Variants in FAM221B observed in about 807,000 individuals in gnomAD.
The protein encoded by FAM221B is family with sequence similarity 221 member B.
Under a neutral mutation model 39.8 loss-of-function variants are expected in FAM221B, and 35 were observed. That is an observed-to-expected ratio of 0.88 (90% CI 0.67 to 1.17). The LOEUF (loss-of-function observed/expected upper bound fraction) is 1.17. Among genes scored for constraint, FAM221B ranks in the 50% most tolerant of loss-of-function variants. The probability of loss-of-function intolerance (pLI) is 0.00; values close to 1 mark genes in which losing one functional copy is unlikely to be tolerated. For synonymous variants in FAM221B, 158 were observed against 178.1 expected (o/e 0.89, Z 0.90); for missense variants, 479 against 503.1 (o/e 0.95, Z 0.46).
rs1224251421 is a variant in FAM221B, at chr9:35,828,283, C to T, written c.-1+180G>A. On this transcript the variant is annotated intron_variant, in intron 1 of 6. Transcript: ENST00000423537. This position sits in a 1 kb window ranked among gnomAD's most constrained non-coding sequence, Gnocchi z 4.5. Reference sequence around the variant, plus strand: ...CTCCAGCCTGGGGGACAGAGCGAGACTCTGTCTCAAACAACAACAACAACA... The same window carrying T: ...CTCCAGCCTGGGGGACAGAGCGAGATTCTGTCTCAAACAACAACAACAACA... Among the ~76,000 whole-genome samples the T allele has an allele frequency of 6.8e-6, 1 of 147,316 alleles. No individual in the cohort carries two copies. Among genetic ancestry groups the T allele is most frequent in the Non-Finnish European group, 1.5e-5 (1 of 66,744 alleles).
chr9:35,824,404 C>T (rs1829243279), intron 3 of FAM221B, among the ~76,000 whole-genome samples: 1 of 152,206 alleles, frequency 6.6e-6, no homozygotes, highest in African/African-American at 2.4e-5. Context: ...TAATCACAGG[C>T]TGAGGCTTGG....
intron 1 of FAM221B, among the ~76,000 whole-genome samples, chr9:35,827,431 T>G (rs1829413689): frequency 6.6e-6 from 1 of 152,224 alleles, no homozygotes; most frequent in Non-Finnish European, 1.5e-5. Flanking sequence ...TGACCCGCTG[T>G]GCTAAGCTCT....
intron 6 of FAM221B, 28 bp downstream of exon 6, chr9:35,818,862 G>A: frequency 5.2e-6 from 8 of 1,550,782 alleles, no homozygotes; most frequent in Non-Finnish European, 7.0e-6. Context: ...ACCCTGGAAT[G>A]GCCCCCTGTC....
chr9:35,817,945 C>T lies in FAM221B; in HGVS notation c.*524G>A, dbSNP rs899918380. ...TCTCTTCTCTCTCTTCTGGGTCCTT[C>T]AAGGTCCTTTAGTCTACTGGCCTCT... On this transcript the variant is annotated 3_prime_UTR_variant, in exon 7 of 7. Coordinates refer to ENST00000423537, the MANE Select transcript of FAM221B (RefSeq NM_001012446.4). The T allele has an allele frequency of 6.4e-6, 1 of 156,672 alleles. No individual in the cohort carries two copies. Among genetic ancestry groups the T allele is most frequent in the Non-Finnish European group, 1.4e-5 (1 of 70,916 alleles). 9.7% of individuals were successfully genotyped at this position (156,672 alleles called of 1,614,324 possible).
intron 6 of FAM221B, 84 bp downstream of exon 6, chr9:35,818,806 A>T: frequency 6.6e-7 from 1 of 1,526,228 alleles, no homozygotes; most frequent in Non-Finnish European, 8.8e-7. Context: ...CCTGGAAGGG[A>T]TGGTTGAGGA....
At position 35,825,602 on chromosome 9, in the gene FAM221B, T is replaced by C. The variant is rs756455271; in HGVS notation, c.560A>G (p.Asp187Gly). ...GEVEKGVDAS[D>G]STAHTAQPGH... ...AGGTTGGGCTGTGTGAGCAGTGCTG[T>C]CACTGGCATCTACTCCCTTTTCAAC... Residue 187 changes from aspartate to glycine, a missense_variant, in exon 2 of 7, where the codon GAC becomes GGC. Coordinates refer to ENST00000423537, the MANE Select transcript of FAM221B (RefSeq NM_001012446.4). The surrounding 1 kb of genome is among the most constrained non-coding windows in gnomAD (Gnocchi z 4.2). 3 of 1,613,860 alleles carry C rather than the reference T, an allele frequency of 1.9e-6. No individual in the cohort carries two copies. Among genetic ancestry groups the C allele is most frequent in the Non-Finnish European group, 2.5e-6 (3 of 1,179,836 alleles).
chr9:35,822,438 C>T (rs912789891), intron 3 of FAM221B, among the ~76,000 whole-genome samples: 5 of 152,090 alleles, frequency 3.3e-5, no homozygotes, highest in African/African-American at 4.8e-5. Context: ...GACAGAGTCT[C>T]GCTCTGTTGC....
rs146936458 is a variant in FAM221B at position 35,819,487 on chromosome 9, C to T, written c.854-93G>A. The T allele has an allele frequency of 6.7e-5, 77 of 1,146,514 alleles. No homozygotes were observed. In the African/African-American group the frequency reaches 8.8e-4, roughly 13 times the overall value. 71.0% of individuals were successfully genotyped at this position (1,146,514 alleles called of 1,614,324 possible). A position where few individuals can be genotyped will look rare whatever the true frequency, so the allele number is the denominator to read the frequency against. ...CTCCATCCCCACCACCCCCTATGCACGCAGACATGCTTTTTTTTTTTTTGA... is the reference window on the plus strand; with the variant it reads ...CTCCATCCCCACCACCCCCTATGCATGCAGACATGCTTTTTTTTTTTTTGA... On this transcript the variant is annotated intron_variant, in intron 4 of 6. Transcript: ENST00000423537.
rs747345487 is a variant in FAM221B, at chr9:35,825,194, C to T, written c.742+36G>A. ...TTTTGGATTAGAGGATGCCCATGGG[C>T]CTGTCACAGGCCTCTGAAAGGCCAC... On this transcript the variant is annotated intron_variant, in intron 3 of 6. Coordinates refer to ENST00000423537, the MANE Select transcript of FAM221B (RefSeq NM_001012446.4). The surrounding 1 kb of genome is among the most constrained non-coding windows in gnomAD (Gnocchi z 4.2). The T allele has an allele frequency of 1.1e-5, 18 of 1,613,030 alleles. No homozygotes were observed. The highest frequency in any genetic ancestry group is 1.5e-5 in the Non-Finnish European group (18 of 1,179,358).
chr9:35,828,560 G>T lies in FAM221B; in HGVS notation c.-98C>A. 2 of 985,480 alleles carry T rather than the reference G, an allele frequency of 2.0e-6. No homozygotes were observed. Among genetic ancestry groups the T allele is most frequent in the Non-Finnish European group, 1.2e-6 (1 of 829,958 alleles). 61.0% of individuals were successfully genotyped at this position (985,480 alleles called of 1,614,324 possible). Reference sequence around the variant, plus strand: ...TGATCCTCAGGGAGGAAAGGCTCTTGGTTGTGGATGTGCCTCAGCTGCAGG... The same window carrying T: ...TGATCCTCAGGGAGGAAAGGCTCTTTGTTGTGGATGTGCCTCAGCTGCAGG... On this transcript the variant is annotated 5_prime_UTR_variant, in exon 1 of 7. Transcript: ENST00000423537. The surrounding 1 kb of genome is among the most constrained non-coding windows in gnomAD (Gnocchi z 4.5).
Position 35,826,027 on chromosome 9 carries a change from A to G in FAM221B, c.135T>C (p.Ser45=). The G allele has an allele frequency of 6.2e-7, 1 of 1,614,118 alleles. No individual in the cohort carries two copies. Among genetic ancestry groups the G allele is most frequent in the Non-Finnish European group, 8.5e-7 (1 of 1,180,002 alleles). The change falls in exon 2 of 7, where the codon TCT becomes TCC. Residue 45 remains serine, a synonymous_variant. Transcript: ENST00000423537. The stretch of plus-strand genomic sequence containing the variant: ...AGGTATGGGGCTCTAACGGGGTCTC[A>G]GAGGTGGAAGGCTTCAAGAAGCTTT... ...ISESFLKPST[S]ETPLEPHTSE...
At chr9:35,821,232 C>T (rs187780758) in intron 3 of FAM221B, among the ~76,000 whole-genome samples, 1 of 152,310 alleles carries the variant, frequency 6.6e-6, no homozygotes, top group East Asian at 1.9e-4. Flanking sequence ...TAGCACAAGG[C>T]CTGGCACAAA....
intron 3 of FAM221B, among the ~76,000 whole-genome samples, chr9:35,824,836 C>T (rs1292076785): frequency 6.6e-6 from 1 of 152,088 alleles, no homozygotes; most frequent in African/African-American, 2.4e-5. Flanking sequence ...CACCTGCCAC[C>T]ACGCCCGGCT....
chr9:35,825,367 G>A lies in FAM221B; in HGVS notation c.605C>T (p.Thr202Ile). The change falls in exon 3 of 7, where the codon ACA (threonine) becomes ATA (isoleucine). Residue 202 changes from threonine to isoleucine, a missense_variant. Transcript: ENST00000423537. The surrounding 1 kb of genome is among the most constrained non-coding windows in gnomAD (Gnocchi z 4.2). The part of the protein sequence containing the change: ...TAQPGHQLGN[T>I]ARPVFPARQT... ...CCTAGCAGGGAACACTGGGCGGGCT[G>A]TGTTACCTAGGATGGGAGAGGATGA... 1 of 1,614,098 alleles carries A rather than the reference G, an allele frequency of 6.2e-7. No homozygotes were observed. The highest frequency in any genetic ancestry group is 1.1e-5 in the South Asian group (1 of 91,090).
At position 35,828,547 on chromosome 9, in the gene FAM221B, A is replaced by T; in HGVS notation, c.-85T>A. 1.0e-6 allele frequency: 1 copy of T among 985,394 alleles called. No individual in the cohort carries two copies. Among genetic ancestry groups the T allele is most frequent in the Non-Finnish European group, 1.2e-6 (1 of 829,966 alleles). The allele number at this position is 985,394 out of a possible 1,614,324, so 61.0% of individuals were successfully genotyped here. Reference sequence around the variant, plus strand: ...CAGGGGGAGGTGTTGATCCTCAGGGAGGAAAGGCTCTTGGTTGTGGATGTG... The same window carrying T: ...CAGGGGGAGGTGTTGATCCTCAGGGTGGAAAGGCTCTTGGTTGTGGATGTG... On this transcript the variant is annotated 5_prime_UTR_variant, in exon 1 of 7. Transcript: ENST00000423537. This position sits in a 1 kb window ranked among gnomAD's most constrained non-coding sequence, Gnocchi z 4.5.
At chr9:35,819,842 T>TG in intron 4 of FAM221B, 48 bp downstream of exon 4, 1 of 1,139,776 alleles carries the variant, frequency 8.8e-7, no homozygotes, top group Non-Finnish European at 1.3e-6. Flanking sequence ...CATGACAGAG[T>TG]ACAGTTATTC....
chr9:35,823,552 C>T (rs1247121619), intron 3 of FAM221B, among the ~76,000 whole-genome samples: 1 of 152,182 alleles, frequency 6.6e-6, no homozygotes, highest in Non-Finnish European at 1.5e-5. Context: ...CTTTATAAAA[C>T]TTCCTGTTTA....
intron 4 of FAM221B, 141 bp downstream of exon 4, chr9:35,819,749 C>T: frequency 1.6e-6 from 1 of 636,138 alleles, no homozygotes; most frequent in Non-Finnish European, 2.8e-6. Flanking sequence ...CTTTGATCCA[C>T]CCGCCTCCGC....
chr9:35,819,145 ATCCTATCCCCACCTAC>A (rs1829082661), intron 5 of FAM221B, 36 bp downstream of exon 5: 3 of 1,535,660 alleles, frequency 2.0e-6, no homozygotes, highest in Non-Finnish European at 1.8e-6. Context: ...CCCAGATTGC[ATCCTATCCCCACCTAC>A]CCTGCTCCCA....
Sources: allele counts gnomAD v4.1 joint callset (sites outside exome capture counted in the v4.1 genomes callset), GRCh38; gene constraint gnomAD v4.1.1; non-coding constraint Gnocchi (gnomAD v3.1); transcripts MANE v1.5; gene names NCBI Gene and HGNC (gene_info 2026-07-23, HGNC 2026-07-21).